The following RNF180 variants were observed in gnomAD, a reference collection of about 807,000 sequenced individuals.
RNF180 encodes ring finger protein 180.
Under a neutral mutation model 59.2 loss-of-function variants are expected in RNF180, and 38 were observed. The observed-to-expected ratio is 0.64, with a 90% CI of 0.50 to 0.84. RNF180 has a LOEUF of 0.84. Ranked by LOEUF, RNF180 falls within the 40% of genes least tolerant of loss-of-function variation. The probability of loss-of-function intolerance (pLI) is 0.00; values close to 1 mark genes in which losing one functional copy is unlikely to be tolerated. For missense variants in RNF180, 705 were observed against 700.9 expected (o/e 1.01, Z -0.07); for synonymous variants, 262 against 240.3 (o/e 1.09, Z -0.84).
chr5:64,213,493 A>G (rs1162372892), intron 3 of RNF180, 65 bp from the exon 4 acceptor site: 2 of 1,487,808 alleles, frequency 1.3e-6, no homozygotes, highest in East Asian at 2.3e-5. Context: ...TTTAAAGAAA[A>G]AAAAATTTCT....
chr5:64,209,737 G>A (rs1264221443), intron 2 of RNF180, among the ~76,000 whole-genome samples: 1 of 151,974 alleles, frequency 6.6e-6, no homozygotes, highest in African/African-American at 2.4e-5. Flanking sequence ...TACTTCATTT[G>A]TCAATTCTAG....
intron 7 of RNF180, among the ~76,000 whole-genome samples, chr5:64,362,986 G>C (rs1746317003): frequency 6.6e-6 from 1 of 151,160 alleles, no homozygotes. Context: ...TTAGACCTTT[G>C]TCAGATGCAG....
intron 5 of RNF180, among the ~76,000 whole-genome samples, chr5:64,260,129 T>C (rs1343746215): frequency 1.3e-5 from 2 of 152,190 alleles, no homozygotes; most frequent in Non-Finnish European, 2.9e-5. Flanking sequence ...ACATATGTAA[T>C]TTACATATTT....
At chr5:64,186,455 A>C (rs1561173714) in intron 1 of RNF180, among the ~76,000 whole-genome samples, 1 of 152,074 alleles carries the variant, frequency 6.6e-6, no homozygotes, top group Non-Finnish European at 1.5e-5. Flanking sequence ...TCAAGTCTTT[A>C]TTTAGATGTT....
intron 5 of RNF180, among the ~76,000 whole-genome samples, chr5:64,297,336 G>A (rs947738283): frequency 6.6e-6 from 1 of 151,904 alleles, no homozygotes. Flanking sequence ...AAAGTGCCAA[G>A]GCCTATATGT....
At chr5:64,308,581 G>T (rs1386671352) in intron 5 of RNF180, among the ~76,000 whole-genome samples, 1 of 151,720 alleles carries the variant, frequency 6.6e-6, no homozygotes, top group Non-Finnish European at 1.5e-5. Flanking sequence ...GTGTTTCTGA[G>T]GAGTAAGTTT....
chr5:64,359,914 T>C (rs1039373717), intron 7 of RNF180, among the ~76,000 whole-genome samples: 8 of 152,206 alleles, frequency 5.3e-5, no homozygotes, highest in African/African-American at 1.7e-4. Flanking sequence ...ATTTCTTGTT[T>C]TTCTCAGGTT....
At chr5:64,197,063 G>A (rs947808029) in intron 1 of RNF180, among the ~76,000 whole-genome samples, 11 of 152,106 alleles carry the variant, frequency 7.2e-5, no homozygotes, top group Non-Finnish European at 1.2e-4. Context: ...AGAGACCCAC[G>A]AATGTAGAAT....
intron 5 of RNF180, among the ~76,000 whole-genome samples, chr5:64,238,555 T>TCA (rs1361646558): frequency 6.6e-6 from 1 of 152,234 alleles, no homozygotes; most frequent in Non-Finnish European, 1.5e-5. Flanking sequence ...AGGTGATATC[T>TCA]CACTCTGGTT....
chr5:64,195,903 A>G lies in RNF180; in HGVS notation c.1-4905A>G, dbSNP rs114267762. ...CAGATTGGCACCATTAAGACATGCC[A>G]ATTAATCTAACATGTATATCTTTGG... On this transcript the variant is annotated intron_variant, in intron 1 of 7. Coordinates refer to ENST00000389100, the MANE Select transcript of RNF180 (RefSeq NM_001113561.2). Among the ~76,000 whole-genome samples the G allele has an allele frequency of 4.2e-3, 644 of 152,324 alleles. 2 individuals are homozygous for G. Among genetic ancestry groups the G allele is most frequent in the African/African-American group, 0.015 (628 of 41,576 alleles).
intron 5 of RNF180, among the ~76,000 whole-genome samples, chr5:64,259,884 G>A (rs1317884495): frequency 6.6e-6 from 1 of 151,992 alleles, no homozygotes; most frequent in Non-Finnish European, 1.5e-5. Flanking sequence ...TCACGCCATT[G>A]AACTCCACCC....
At chr5:64,229,246 A>G (rs1171451780) in intron 5 of RNF180, among the ~76,000 whole-genome samples, 2 of 152,144 alleles carry the variant, frequency 1.3e-5, no homozygotes, top group African/African-American at 4.8e-5. Flanking sequence ...ACTAAAAAAT[A>G]ATTACATATC....
intron 5 of RNF180, among the ~76,000 whole-genome samples, chr5:64,257,607 G>GT (rs1401598612): frequency 6.6e-6 from 1 of 152,154 alleles, no homozygotes; most frequent in Non-Finnish European, 1.5e-5. Context: ...CGGTTTGCCA[G>GT]TATTTTATTG....
At chr5:64,191,670 T>C (rs890959953) in intron 1 of RNF180, among the ~76,000 whole-genome samples, 1 of 152,234 alleles carries the variant, frequency 6.6e-6, no homozygotes, top group Non-Finnish European at 1.5e-5. Flanking sequence ...TATTGAATTT[T>C]AGAAGATTTT....
intron 5 of RNF180, among the ~76,000 whole-genome samples, chr5:64,283,425 A>G (rs1310312388): frequency 1.3e-5 from 2 of 151,786 alleles, no homozygotes; most frequent in Non-Finnish European, 2.9e-5. Flanking sequence ...TTCTTTATCT[A>G]GTTTGTCACT....
At position 64,324,275 on chromosome 5, in the gene RNF180, G is replaced by A. The variant is rs186680206; in HGVS notation, c.1228-911G>A. ...AGGGTACAAGGCAGGAACCAGGCCT[G>A]GATGGGACACCATCCCACCACAGGG... On this transcript the variant is annotated intron_variant, in intron 5 of 7. Transcript: ENST00000389100. Among the ~76,000 whole-genome samples, 5 of 152,278 alleles carry A rather than the reference G, an allele frequency of 3.3e-5. No individual in the cohort carries two copies. The East Asian group carries it at 9.7e-4, about 29-fold the overall frequency.
intron 1 of RNF180, among the ~76,000 whole-genome samples, chr5:64,200,098 C>T (rs1281883843): frequency 1.3e-5 from 2 of 152,002 alleles, no homozygotes; most frequent in Non-Finnish European, 2.9e-5. Flanking sequence ...TCAAAACATG[C>T]TACTTATAAG....
intron 5 of RNF180, among the ~76,000 whole-genome samples, chr5:64,270,386 C>T (rs1350521532): frequency 6.6e-6 from 1 of 152,190 alleles, no homozygotes; most frequent in African/African-American, 2.4e-5. Flanking sequence ...CCTGTATAGT[C>T]ATCTAAACAA....
chr5:64,212,545 A>G (rs1752366316), intron 3 of RNF180, among the ~76,000 whole-genome samples: 1 of 152,138 alleles, frequency 6.6e-6, no homozygotes, highest in African/African-American at 2.4e-5. Context: ...TATTTTGTTC[A>G]TTTGTATTTC....
Sources: allele counts gnomAD v4.1 joint callset (sites outside exome capture counted in the v4.1 genomes callset), GRCh38; gene constraint gnomAD v4.1.1; transcripts MANE v1.5; gene names NCBI Gene and HGNC (gene_info 2026-07-23, HGNC 2026-07-21).